The following MTUS2 variants were observed in gnomAD, a reference collection of about 807,000 sequenced individuals.
MTUS2 encodes the protein microtubule associated scaffold protein 2, also known as microtubule-associated tumor suppressor candidate 2.
Under a neutral mutation model 114.1 loss-of-function variants are expected in MTUS2, and 40 were observed. That is an observed-to-expected ratio of 0.35 (90% confidence interval 0.27 to 0.46). MTUS2 has a LOEUF of 0.46. Ranked by LOEUF, MTUS2 falls within the 20% of genes least tolerant of loss-of-function variation. MTUS2 has a pLI of 1.00. For missense variants in MTUS2, 1,679 were observed against 1,705.4 expected (o/e 0.98, Z 0.27); for synonymous variants, 688 against 672.0 (o/e 1.02, Z -0.37).
At chr13:29,327,299 G>A (rs1449619519) in intron 7 of MTUS2, among the ~76,000 whole-genome samples, 2 of 152,048 alleles carry the variant, frequency 1.3e-5, no homozygotes, top group African/African-American at 4.8e-5. Flanking sequence ...GTTTTGCCAT[G>A]TGTACGCAGC....
At chr13:29,427,830 T>A (rs1876662240) in intron 8 of MTUS2, among the ~76,000 whole-genome samples, 1 of 152,232 alleles carries the variant, frequency 6.6e-6, no homozygotes, top group African/African-American at 2.4e-5. Flanking sequence ...CTGAGGGGTA[T>A]CAGGGCATAT....
intron 3 of MTUS2, among the ~76,000 whole-genome samples, chr13:29,030,728 AT>A (rs967339954): frequency 5.9e-5 from 9 of 151,886 alleles, no homozygotes; most frequent in Non-Finnish European, 8.8e-5. Context: ...TAGAAGCCAG[AT>A]TTTTTTTTAA....
chr13:29,158,358 C>CCCCCCCCCCCTCTTT, intron 5 of MTUS2, among the ~76,000 whole-genome samples: 3 of 32,048 alleles, frequency 9.4e-5, no homozygotes, highest in Non-Finnish European at 1.0e-4. Flanking sequence ...GTCCACCCCG[C>CCCCCCCCCCCTCTTT]TTTTTTTTTT....
At chr13:29,243,647 G>A (rs1038338063) in intron 5 of MTUS2, among the ~76,000 whole-genome samples, 2 of 152,154 alleles carry the variant, frequency 1.3e-5, no homozygotes, top group Admixed American at 6.5e-5. Flanking sequence ...ACACACTTGG[G>A]GTAGGGAGCC....
At chr13:29,389,333 A>G (rs530730491) in intron 8 of MTUS2, among the ~76,000 whole-genome samples, 883 of 55,786 alleles carry the variant, frequency 0.016, 44 homozygotes, top group Admixed American at 0.029. Context: ...ATGTGTGTAT[A>G]TATGTATGCA....
intron 8 of MTUS2, among the ~76,000 whole-genome samples, chr13:29,411,140 C>A (rs1875205829): frequency 6.6e-6 from 1 of 152,148 alleles, no homozygotes; most frequent in Non-Finnish European, 1.5e-5. Context: ...CCCAACCCCA[C>A]ACTATTGTTA....
At position 29,212,790 on chromosome 13, in the gene MTUS2, A is replaced by G. The variant is rs147408904; in HGVS notation, c.2645-68914A>G. Among the ~76,000 whole-genome samples, 1,152 of 152,342 alleles carry G rather than the reference A, an allele frequency of 7.6e-3. 6 individuals are homozygous for G. Among genetic ancestry groups the G allele is most frequent in the African/African-American group, 0.026 (1,077 of 41,534 alleles). Reference sequence around the variant, plus strand: ...AGAGAGGTTGCTCCACCCTATTGATACCTGGATGCATTCACCAACCCAGAA... The same window carrying G: ...AGAGAGGTTGCTCCACCCTATTGATGCCTGGATGCATTCACCAACCCAGAA... On this transcript the variant is annotated intron_variant, in intron 5 of 15. Transcript: ENST00000612955.
intron 2 of MTUS2, among the ~76,000 whole-genome samples, chr13:28,951,037 A>T (rs1301789514): frequency 6.6e-6 from 1 of 152,246 alleles, no homozygotes; most frequent in Non-Finnish European, 1.5e-5. Context: ...CAATGATCTT[A>T]TATCTAGGAA....
chr13:29,247,899 G>A (rs1896984047), intron 5 of MTUS2, among the ~76,000 whole-genome samples: 1 of 152,130 alleles, frequency 6.6e-6, no homozygotes, highest in Non-Finnish European at 1.5e-5. Flanking sequence ...CCATTACTGG[G>A]TACCTACCTA....
chr13:28,872,869 G>A (rs541214778), intron 2 of MTUS2, among the ~76,000 whole-genome samples: 2 of 152,290 alleles, frequency 1.3e-5, no homozygotes, highest in East Asian at 1.9e-4. Context: ...CATAAGCAAT[G>A]TTTGATGAGA....
chr13:28,977,329 A>G (rs935671483), intron 2 of MTUS2, among the ~76,000 whole-genome samples: 1 of 152,184 alleles, frequency 6.6e-6, no homozygotes, highest in African/African-American at 2.4e-5. Context: ...AGAGAGTAGG[A>G]ATTTTAGCTT....
At chr13:29,277,553 T>C (rs1898110987) in intron 5 of MTUS2, among the ~76,000 whole-genome samples, 1 of 152,226 alleles carries the variant, frequency 6.6e-6, no homozygotes, top group South Asian at 2.1e-4. Flanking sequence ...ATTGGCACGG[T>C]GATAGACAAA....
chr13:29,182,020 C>T (rs6490362), intron 5 of MTUS2, among the ~76,000 whole-genome samples: 112,473 of 152,104 alleles, frequency 0.74, 41,681 homozygotes, highest in East Asian at 0.8. Flanking sequence ...CCTTTTGCCC[C>T]TGCTTAAATT....
At chr13:29,459,993 C>T (rs1033663617) in intron 9 of MTUS2, among the ~76,000 whole-genome samples, 32 of 152,330 alleles carry the variant, frequency 2.1e-4, no homozygotes, top group African/African-American at 7.7e-4. Context: ...CTCCCTGGGC[C>T]ATTCCGCAGA....
chr13:29,132,589 A>G (rs112447903), intron 5 of MTUS2, among the ~76,000 whole-genome samples: 2,138 of 152,330 alleles, frequency 0.014, 59 homozygotes, highest in African/African-American at 0.047. Flanking sequence ...GATACCTCAT[A>G]TAATTGGAAT....
In MTUS2 at chr13:29,427,525, C is replaced by T. The variant is rs59271905; in HGVS notation, c.3118-12458C>T. ...CGTACATTCAATATTTTGATAGGTA[C>T]AGCCAAGTCGCCTTCCTGAAGGATT... On this transcript the variant is annotated intron_variant, in intron 8 of 15. Transcript: ENST00000612955. 2.8e-3 allele frequency among the ~76,000 whole-genome samples: 420 copies of T among 152,278 alleles called. 1 individual carries two copies. The highest frequency in any genetic ancestry group is 9.5e-3 in the African/African-American group (393 of 41,558).
At chr13:28,922,359 G>T (rs1881090875) in intron 2 of MTUS2, among the ~76,000 whole-genome samples, 1 of 152,172 alleles carries the variant, frequency 6.6e-6, no homozygotes, top group African/African-American at 2.4e-5. Flanking sequence ...CCCTGCCGAG[G>T]CCACTGGCTC....
chr13:29,249,994 G>C (rs541290691), intron 5 of MTUS2, among the ~76,000 whole-genome samples: 1 of 152,180 alleles, frequency 6.6e-6, no homozygotes, highest in East Asian at 1.9e-4. Context: ...ATAACCAAAA[G>C]CAATTGCAAC....
At chr13:29,444,100 A>G (rs1878100028) in intron 9 of MTUS2, among the ~76,000 whole-genome samples, 1 of 152,120 alleles carries the variant, frequency 6.6e-6, no homozygotes, top group Non-Finnish European at 1.5e-5. Context: ...CATTGTCCCA[A>G]CTTCTGAGGT....
Sources: gnomAD v4.1 joint callset for allele counts (sites outside exome capture counted in the v4.1 genomes callset) on GRCh38, gnomAD v4.1.1 for gene constraint, MANE v1.5 for transcripts, NCBI Gene and HGNC (gene_info 2026-07-23, HGNC 2026-07-21) for gene names.